The following MINDY2 variants were observed in gnomAD, a reference collection of about 807,000 sequenced individuals.
MINDY2 encodes MINDY lysine 48 deubiquitinase 2, also known as ubiquitin carboxyl-terminal hydrolase MINDY-2.
Under a neutral mutation model 68.2 loss-of-function variants are expected in MINDY2, and 52 were observed. That is an observed-to-expected ratio of 0.76 (90% CI 0.61 to 0.96). The LOEUF (loss-of-function observed/expected upper bound fraction) is 0.96, where lower values mean the gene tolerates loss of function less well. MINDY2 is among the 40% of genes least tolerant of loss of function. MINDY2 has a pLI of 0.00. For missense variants in MINDY2, 881 were observed against 773.4 expected (o/e 1.14, Z -1.65); for synonymous variants, 372 against 303.0 (o/e 1.23, Z -2.36).
chr15:58,789,241 G>A (rs1901722102), intron 2 of MINDY2, among the ~76,000 whole-genome samples: 1 of 152,026 alleles, frequency 6.6e-6, no homozygotes, highest in African/African-American at 2.4e-5. Flanking sequence ...GGGAGGCTGA[G>A]GCAGGAGAAT....
At chr15:58,810,920 C>T (rs538127825) in intron 4 of MINDY2, among the ~76,000 whole-genome samples, 5 of 152,250 alleles carry the variant, frequency 3.3e-5, no homozygotes, top group African/African-American at 1.2e-4. Flanking sequence ...GAAGTTCACC[C>T]CACCTTCAGT....
At chr15:58,817,912 T>C (rs1441540273) in intron 4 of MINDY2, among the ~76,000 whole-genome samples, 1 of 152,156 alleles carries the variant, frequency 6.6e-6, no homozygotes, top group Non-Finnish European at 1.5e-5. Flanking sequence ...GCATACACTC[T>C]TGATGAGTGA....
At chr15:58,815,177 C>G (rs544229165) in intron 4 of MINDY2, 1 of 152,084 alleles carries the variant, frequency 6.6e-6, no homozygotes, top group Non-Finnish European at 1.5e-5. Context: ...AGCCAGTTGT[C>G]CTAGTACCAT....
rs1469213995 is a variant in MINDY2 at position 58,847,481 on chromosome 15, AT to A, written c.1542+13del. ...GATCAGATAGATCAGGTAAATTTGT[AT>A]TGTCGTCTTTATAGTGGTTAAAATG... On this transcript the variant is annotated intron_variant, in intron 7 of 8. Coordinates refer to ENST00000559228, the MANE Select transcript of MINDY2 (RefSeq NM_001040450.3). 2.0e-6 allele frequency: 3 copies of A among 1,528,658 alleles called. No individual in the cohort carries two copies. Among genetic ancestry groups the A allele is most frequent in the Admixed American group, 1.8e-5 (1 of 56,948 alleles). 94.7% of individuals were successfully genotyped at this position (1,528,658 alleles called of 1,614,324 possible). A position where few individuals can be genotyped will look rare whatever the true frequency, so the allele number is the denominator to read the frequency against.
At chr15:58,774,205 G>A (rs982262735) in intron 1 of MINDY2, among the ~76,000 whole-genome samples, 10 of 152,158 alleles carry the variant, frequency 6.6e-5, no homozygotes, top group South Asian at 4.1e-4. Context: ...AGATGAGGCC[G>A]GGCGCGGTGG....
At chr15:58,796,329 A>C (rs541062045) in intron 2 of MINDY2, among the ~76,000 whole-genome samples, 10 of 152,234 alleles carry the variant, frequency 6.6e-5, no homozygotes, top group Non-Finnish European at 1.3e-4. Context: ...AGGCATATTG[A>C]AGGAACAGTG....
intron 3 of MINDY2, among the ~76,000 whole-genome samples, chr15:58,805,237 G>C (rs549777371): frequency 6.6e-6 from 1 of 151,492 alleles, no homozygotes; most frequent in African/African-American, 2.5e-5. Flanking sequence ...TGTATGTCAA[G>C]CTTATATGGC....
At chr15:58,809,733 A>G (rs1321756328) in intron 3 of MINDY2, among the ~76,000 whole-genome samples, 1 of 152,136 alleles carries the variant, frequency 6.6e-6, no homozygotes, top group African/African-American at 2.4e-5. Context: ...ATACATGTTT[A>G]TCTCTCCCAA....
Position 58,854,704 on chromosome 15 carries a change from G to C in MINDY2, c.*94G>C. 7.1e-7 allele frequency: 1 copy of C among 1,402,356 alleles called. No homozygotes were observed. The highest frequency in any genetic ancestry group is 9.5e-7 in the Non-Finnish European group (1 of 1,055,876). The allele number at this position is 1,402,356 out of a possible 1,614,324, so 86.9% of individuals were successfully genotyped here. A position where few individuals can be genotyped will look rare whatever the true frequency, so the allele number is the denominator to read the frequency against. On this transcript the variant is annotated 3_prime_UTR_variant, in exon 9 of 9. Coordinates refer to ENST00000559228, the MANE Select transcript of MINDY2 (RefSeq NM_001040450.3). ...AAACCGATCAATACCGTCTGTGCCT[G>C]ATTTCCTAATGGATTTTGTTCGTTT...
intron 2 of MINDY2, among the ~76,000 whole-genome samples, chr15:58,794,438 C>A (rs1202112170): frequency 1.3e-5 from 2 of 150,396 alleles, no homozygotes; most frequent in Non-Finnish European, 3.0e-5. Flanking sequence ...GGTCAAGGAA[C>A]AGACAGGCAG....
intron 2 of MINDY2, among the ~76,000 whole-genome samples, chr15:58,794,294 A>G (rs938189314): frequency 6.6e-6 from 1 of 151,946 alleles, no homozygotes; most frequent in African/African-American, 2.4e-5. Flanking sequence ...TTTTGGTAAT[A>G]ATGAAACTGT....
intron 4 of MINDY2, among the ~76,000 whole-genome samples, chr15:58,820,189 C>G (rs1324343976): frequency 6.6e-6 from 1 of 152,108 alleles, no homozygotes; most frequent in Non-Finnish European, 1.5e-5. Context: ...TCGCTTGAAC[C>G]CAGGAGGCAG....
chr15:58,785,762 C>T (rs1245838504), intron 1 of MINDY2, among the ~76,000 whole-genome samples: 2 of 152,004 alleles, frequency 1.3e-5, no homozygotes, highest in South Asian at 2.1e-4. Flanking sequence ...CTGAAGCCTC[C>T]GCCTCCCGGG....
intron 3 of MINDY2, among the ~76,000 whole-genome samples, chr15:58,803,944 T>G (rs1246942806): frequency 4.4e-5 from 4 of 90,996 alleles, no homozygotes; most frequent in South Asian, 4.2e-4. Context: ...CCAGCTCTAC[T>G]GAAAAAAAAA....
At chr15:58,831,041 G>GTGTATATATATATATATA (rs565786025) in intron 5 of MINDY2, among the ~76,000 whole-genome samples, 28 of 124,916 alleles carry the variant, frequency 2.2e-4, no homozygotes, top group South Asian at 7.5e-4. Flanking sequence ...GTGTGTGTGT[G>GTGTATATATATATATATA]TATATATATA....
intron 5 of MINDY2, 121 bp downstream of exon 5, chr15:58,821,940 T>C (rs2031087737): frequency 3.2e-6 from 2 of 631,872 alleles, no homozygotes; most frequent in Admixed American, 3.8e-5. Flanking sequence ...ATATTACTTG[T>C]ATGAATTTTA....
Position 58,837,952 on chromosome 15 carries a change from G to A in MINDY2, c.1368+6036G>A, listed in dbSNP as rs1190687195. On this transcript the variant is annotated intron_variant, in intron 6 of 8. Transcript: ENST00000559228. ...CCACTGCACTCCAACCTGGATGACAGAGTAAGACCTTCTTTCAAAAAAAAA... is the reference window on the plus strand; with the variant it reads ...CCACTGCACTCCAACCTGGATGACAAAGTAAGACCTTCTTTCAAAAAAAAA... Among the ~76,000 whole-genome samples, 3 of 116,978 alleles carry A rather than the reference G, an allele frequency of 2.6e-5. No homozygotes were observed. The Admixed American group carries it at 3.3e-4, about 13-fold the overall frequency. 76.7% of individuals were successfully genotyped at this position (116,978 alleles called of 152,430 possible). A position where few individuals can be genotyped will look rare whatever the true frequency, so the allele number is the denominator to read the frequency against.
In MINDY2 at chr15:58,861,475, A is replaced by G. The variant is rs1226643658; in HGVS notation, c.*6865A>G. ...TAATTTCAATTGAGGAATAATAACA[A>G]CCCTAGAGATTCATAGGAAAGAGCA... On this transcript the variant is annotated 3_prime_UTR_variant, in exon 9 of 9. Transcript: ENST00000559228. The G allele has an allele frequency of 6.6e-6, 1 of 152,176 alleles. No homozygotes were observed. Among genetic ancestry groups the G allele is most frequent in the Non-Finnish European group, 1.5e-5 (1 of 68,028 alleles). The allele number at this position is 152,176 out of a possible 1,614,324, so 9.4% of individuals were successfully genotyped here. A position where few individuals can be genotyped will look rare whatever the true frequency, so the allele number is the denominator to read the frequency against.
intron 6 of MINDY2, among the ~76,000 whole-genome samples, chr15:58,845,386 A>G (rs1262861445): frequency 6.6e-6 from 1 of 152,214 alleles, no homozygotes; most frequent in Admixed American, 6.5e-5. Context: ...AGCCTGGGCA[A>G]CAGAATGAGA....
Sources: gnomAD v4.1 joint callset for allele counts (sites outside exome capture counted in the v4.1 genomes callset) on GRCh38, gnomAD v4.1.1 for gene constraint, MANE v1.5 for transcripts, NCBI Gene and HGNC (gene_info 2026-07-23, HGNC 2026-07-21) for gene names.